Variants in ADGRV1 observed in about 807,000 individuals in gnomAD.
ADGRV1 encodes the protein adhesion G protein-coupled receptor V1, also known as G-protein coupled receptor 98.
A neutral mutation model predicts 596.2 loss-of-function variants in ADGRV1; 359 were observed. That is an observed-to-expected ratio of 0.60 (90% CI 0.55 to 0.66). ADGRV1 has a LOEUF of 0.66. ADGRV1 is among the 30% of genes least tolerant of loss of function. The pLI, the probability that ADGRV1 is intolerant of heterozygous loss-of-function variation, is 0.00. For synonymous variants in ADGRV1, 2,681 were observed against 2,679.2 expected, an observed-to-expected ratio of 1.00 and a Z score of -0.02; for missense variants, 7,274 against 7,575.6, an observed-to-expected ratio of 0.96 and a Z score of 1.48.
intron 1 of ADGRV1, among the ~76,000 whole-genome samples, chr5:90,588,835 A>G (rs1759107316): frequency 6.6e-6 from 1 of 152,222 alleles, no homozygotes. Context: ...AACTCTGATA[A>G]TGGGAAAGTG....
At chr5:90,630,855 G>A (rs1013442552) in intron 9 of ADGRV1, among the ~76,000 whole-genome samples, 2 of 152,054 alleles carry the variant, frequency 1.3e-5, no homozygotes, top group African/African-American at 4.8e-5. Flanking sequence ...TGTGTGTGTT[G>A]AATGTTGAGT....
At chr5:91,077,110 G>C (rs1363807672) in intron 86 of ADGRV1, among the ~76,000 whole-genome samples, 2 of 152,078 alleles carry the variant, frequency 1.3e-5, no homozygotes, top group East Asian at 3.8e-4. Context: ...TTTGCCTTCT[G>C]CCTTACTGTA....
chr5:90,815,457 A>G (rs571605654), intron 74 of ADGRV1, among the ~76,000 whole-genome samples, 162 bp from the exon 75 acceptor site: 1 of 152,112 alleles, frequency 6.6e-6, no homozygotes, highest in South Asian at 2.1e-4. Context: ...ATGTTATCAC[A>G]GTTTAGTTTA....
At chr5:90,612,286 T>C (rs1325152398) in intron 1 of ADGRV1, among the ~76,000 whole-genome samples, 1 of 152,092 alleles carries the variant, frequency 6.6e-6, no homozygotes. Context: ...ATTAGAGTAA[T>C]AAAGTGAAAC....
chr5:90,851,485 G>C (rs1057070369), intron 79 of ADGRV1, among the ~76,000 whole-genome samples: 3 of 152,162 alleles, frequency 2.0e-5, no homozygotes, highest in Non-Finnish European at 4.4e-5. Context: ...AATATTAAGG[G>C]AGTCTGCTGA....
chr5:90,683,886 A>G lies in ADGRV1; in HGVS notation c.5965A>G (p.Lys1989Glu). The G allele has an allele frequency of 6.2e-7, 1 of 1,613,528 alleles. No homozygotes were observed. The highest frequency in any genetic ancestry group is 8.5e-7 in the Non-Finnish European group (1 of 1,179,642). Residue 1989 changes from lysine to glutamate, a missense_variant, in exon 28 of 90, where the codon AAA becomes GAA. This residue lies in a region of ADGRV1 where 3,643 missense variants were observed against 3,809.2 expected (regional missense o/e 0.96). Transcript: ENST00000405460. The stretch of plus-strand genomic sequence containing the variant: ...TTTTTCTGAGAAAAACAGACCTGTT[A>G]AAGTTGAGGAAGCAACCCAGAACAT... Reference protein sequence around the residue: ...FIFSEKNRPVKVEEATQNITL... With the variant: ...FIFSEKNRPVEVEEATQNITL...
intron 79 of ADGRV1, among the ~76,000 whole-genome samples, chr5:90,851,130 TGTGTGAGAGAGAGAGA>T (rs1766458105): frequency 3.8e-5 from 3 of 79,750 alleles, no homozygotes; most frequent in Admixed American, 1.9e-4. Context: ...TGTGTGTGTG[TGTGTGAGAGAGAGAGA>T]GAGAGAGAGA....
intron 42 of ADGRV1, among the ~76,000 whole-genome samples, chr5:90,715,359 G>C (rs1749950056): frequency 1.3e-5 from 2 of 152,188 alleles, no homozygotes; most frequent in South Asian, 4.1e-4. Flanking sequence ...AAAGAAATCT[G>C]GGCTGTTCAT....
At chr5:91,001,202 C>T (rs982954717) in intron 85 of ADGRV1, among the ~76,000 whole-genome samples, 2 of 152,044 alleles carry the variant, frequency 1.3e-5, no homozygotes, top group Admixed American at 6.6e-5. Flanking sequence ...CTCAGCTTCC[C>T]TAGTAGCTGG....
At chr5:90,815,775 G>C (rs760437274) in intron 75 of ADGRV1, 39 bp downstream of exon 75, 1 of 1,088,734 alleles carries the variant, frequency 9.2e-7, no homozygotes, top group Non-Finnish European at 1.4e-6. Context: ...GTAACATTCT[G>C]TGTGTCTGTA....
intron 65 of ADGRV1, among the ~76,000 whole-genome samples, 195 bp from the exon 66 acceptor site, chr5:90,782,929 A>C (rs1448713148): frequency 6.6e-6 from 1 of 152,214 alleles, no homozygotes; most frequent in Non-Finnish European, 1.5e-5. Context: ...AACTTTCAAC[A>C]TCTGATAAAC....
chr5:90,616,670 T>C (rs1419143743), intron 2 of ADGRV1, among the ~76,000 whole-genome samples: 1 of 152,204 alleles, frequency 6.6e-6, no homozygotes. Context: ...TTAGGGGAAT[T>C]GGGGAATATC....
At chr5:91,027,581 G>A (rs1282482473) in intron 85 of ADGRV1, among the ~76,000 whole-genome samples, 2 of 152,116 alleles carry the variant, frequency 1.3e-5, no homozygotes, top group African/African-American at 4.8e-5. Flanking sequence ...TGTGCTGAAG[G>A]CAAACTGGAA....
chr5:90,666,958 T>C (rs942501764), intron 21 of ADGRV1, among the ~76,000 whole-genome samples: 7 of 152,124 alleles, frequency 4.6e-5, no homozygotes, highest in Admixed American at 4.6e-4. Flanking sequence ...TTCTGGCTTG[T>C]AGGGTTTCTG....
At chr5:90,872,799 C>T (rs943776702) in intron 83 of ADGRV1, among the ~76,000 whole-genome samples, 8 of 152,114 alleles carry the variant, frequency 5.3e-5, no homozygotes, top group South Asian at 2.1e-4. Flanking sequence ...TCAGAGACCC[C>T]GGTAGTGCTT....
chr5:90,590,738 C>T (rs1580368852), intron 1 of ADGRV1, among the ~76,000 whole-genome samples: 1 of 152,170 alleles, frequency 6.6e-6, no homozygotes, highest in East Asian at 1.9e-4. Context: ...AAAAGTGGCC[C>T]CATCCAATTT....
At chr5:90,861,040 A>G (rs1157914613) in intron 82 of ADGRV1, among the ~76,000 whole-genome samples, 3 of 152,124 alleles carry the variant, frequency 2.0e-5, no homozygotes, top group African/African-American at 7.2e-5. Flanking sequence ...CAAATATTGT[A>G]GAGATAGATA....
intron 85 of ADGRV1, among the ~76,000 whole-genome samples, chr5:90,996,824 G>A (rs1781460332): frequency 6.6e-6 from 1 of 152,204 alleles, no homozygotes; most frequent in Admixed American, 6.5e-5. Context: ...TGGCCTGGAT[G>A]TGAGACATAG....
intron 45 of ADGRV1, among the ~76,000 whole-genome samples, chr5:90,722,714 C>G (rs562510707): frequency 2.2e-3 from 63 of 28,520 alleles, no homozygotes; most frequent in African/African-American, 9.9e-3. Flanking sequence ...AAAACTCCGT[C>G]TCAAAAAAAA....
Sources: gnomAD v4.1 joint callset for allele counts (sites outside exome capture counted in the v4.1 genomes callset) on GRCh38, gnomAD v4.1.1 for gene constraint, gnomAD v4.1.1 regional missense constraint, MANE v1.5 for transcripts, NCBI Gene and HGNC (gene_info 2026-07-23, HGNC 2026-07-21) for gene names.